Variants in FAM227B observed in about 807,000 individuals in gnomAD.
FAM227B encodes family with sequence similarity 227 member B, also known as protein FAM227B.
FAM227B carries 88 observed loss-of-function variants against 73.8 expected under a neutral mutation model. The ratio of observed to expected loss-of-function variants is 1.19; its 90% CI spans 1.00 to 1.42. The LOEUF (loss-of-function observed/expected upper bound fraction) is 1.42. Among genes scored for constraint, FAM227B ranks in the 40% most tolerant of loss-of-function variants. The pLI is 0.00. For synonymous variants in FAM227B, 210 were observed against 190.5 expected (o/e 1.10, Z -0.84); for missense variants, 632 against 590.9 (o/e 1.07, Z -0.72).
At chr15:49,376,885 G>C (rs2046198485) in intron 11 of FAM227B, among the ~76,000 whole-genome samples, 1 of 151,778 alleles carries the variant, frequency 6.6e-6, no homozygotes, top group Admixed American at 6.6e-5. Flanking sequence ...AAATGGGGTG[G>C]TTTTCTTTTC....
At chr15:49,586,053 A>C (rs1462162805) in intron 5 of FAM227B, among the ~76,000 whole-genome samples, 1 of 151,960 alleles carries the variant, frequency 6.6e-6, no homozygotes, top group African/African-American at 2.4e-5. Context: ...TGGAACCAAA[A>C]ATAGAGCTAA....
chr15:49,365,754 G>T, intron 13 of FAM227B: 1 of 865,936 alleles, frequency 1.2e-6, no homozygotes, highest in Non-Finnish European at 2.0e-6. Flanking sequence ...AAGCCCACCT[G>T]TCTTCATTTT....
chr15:49,559,223 C>G (rs2074030564), intron 9 of FAM227B, among the ~76,000 whole-genome samples: 1 of 152,146 alleles, frequency 6.6e-6, no homozygotes, highest in Admixed American at 6.5e-5. Context: ...CAACTCCCTG[C>G]AGAGTCTTTA....
At chr15:49,459,805 A>T (rs766138571) in intron 11 of FAM227B, among the ~76,000 whole-genome samples, 2 of 152,048 alleles carry the variant, frequency 1.3e-5, no homozygotes, top group Non-Finnish European at 2.9e-5. Context: ...TCCTGTGTGC[A>T]TCTCTTTCCA....
At chr15:49,532,361 T>C (rs1265145816) in intron 10 of FAM227B, among the ~76,000 whole-genome samples, 1 of 151,838 alleles carries the variant, frequency 6.6e-6, no homozygotes, top group Non-Finnish European at 1.5e-5. Flanking sequence ...ATTCTTTTAT[T>C]ACTAAGCAAT....
chr15:49,364,061 T>A (rs2044706902), intron 13 of FAM227B, among the ~76,000 whole-genome samples: 1 of 152,226 alleles, frequency 6.6e-6, no homozygotes, highest in African/African-American at 2.4e-5. Flanking sequence ...ATCAAGAATA[T>A]TGGCCAGATG....
chr15:49,406,680 C>T (rs1287769943), intron 11 of FAM227B, among the ~76,000 whole-genome samples: 1 of 151,962 alleles, frequency 6.6e-6, no homozygotes, highest in African/African-American at 2.4e-5. Context: ...ACTTCTGACC[C>T]AGCAGTGGCA....
At chr15:49,352,548 T>A (rs1008824962) in intron 13 of FAM227B, among the ~76,000 whole-genome samples, 1 of 152,214 alleles carries the variant, frequency 6.6e-6, no homozygotes, top group African/African-American at 2.4e-5. Context: ...TATTTTTCTT[T>A]ATCTAGGCTT....
intron 11 of FAM227B, among the ~76,000 whole-genome samples, chr15:49,489,999 A>G (rs907007196): frequency 6.7e-6 from 1 of 148,194 alleles, no homozygotes; most frequent in African/African-American, 2.5e-5. Context: ...CAGGTGGCCC[A>G]TGCAGTGGTA....
At chr15:49,553,972 G>T (rs184372485) in intron 9 of FAM227B, among the ~76,000 whole-genome samples, 14 of 152,194 alleles carry the variant, frequency 9.2e-5, no homozygotes, top group Admixed American at 7.2e-4. Context: ...GGGTATTGCT[G>T]CTAGTTATTC....
intron 10 of FAM227B, among the ~76,000 whole-genome samples, chr15:49,523,814 G>A (rs961813984): frequency 2.6e-5 from 4 of 152,182 alleles, no homozygotes; most frequent in Non-Finnish European, 5.9e-5. Context: ...AGAACTTGTT[G>A]GAAACTGGAG....
intron 11 of FAM227B, chr15:49,487,848 T>C (rs559174979): frequency 2.4e-4 from 36 of 152,048 alleles, no homozygotes; most frequent in East Asian, 1.2e-3. Flanking sequence ...GTAAGCAAAA[T>C]TGATACATCA....
In FAM227B at chr15:49,328,517, A is replaced by G. The variant is rs1187118285; in HGVS notation, c.*51T>C. ...AATATATTGTTACAATTAAACTGAT[A>G]CCACTGAATTGTATGCATTATTCTT... On this transcript the variant is annotated 3_prime_UTR_variant, in exon 16 of 16. Coordinates refer to ENST00000299338, the MANE Select transcript of FAM227B (RefSeq NM_152647.3). 6.3e-7 allele frequency: 1 copy of G among 1,597,828 alleles called. No homozygotes were observed.
At chr15:49,486,664 G>A (rs1466359257) in intron 11 of FAM227B, 3 of 151,914 alleles carry the variant, frequency 2.0e-5, no homozygotes, top group African/African-American at 7.2e-5. Context: ...TGTCTATGGA[G>A]TTATACTTCC....
rs1178397654 is a variant in FAM227B, at chr15:49,489,822, TTA to T, written c.1012+18387_1012+18388del. On this transcript the variant is annotated intron_variant, in intron 11 of 15. Coordinates refer to ENST00000299338, the MANE Select transcript of FAM227B (RefSeq NM_152647.3). ...TATATTTTATATATATATATATATT[TTA>T]TATATATATATATATTTTATATATA... Among the ~76,000 whole-genome samples the T allele has an allele frequency of 6.9e-3, 224 of 32,332 alleles. 18 individuals are homozygous for T. The highest frequency in any genetic ancestry group is 0.019 in the African/African-American group (155 of 8,060). The allele number at this position is 32,332 out of a possible 152,430, so 21.2% of individuals were successfully genotyped here.
At chr15:49,358,005 G>C (rs969028644) in intron 13 of FAM227B, among the ~76,000 whole-genome samples, 4 of 151,972 alleles carry the variant, frequency 2.6e-5, no homozygotes, top group Admixed American at 2.6e-4. Context: ...TATCTCAATA[G>C]ATGCAGAAAA....
At chr15:49,511,477 T>G (rs1386511546) in intron 10 of FAM227B, among the ~76,000 whole-genome samples, 1 of 152,166 alleles carries the variant, frequency 6.6e-6, no homozygotes, top group Admixed American at 6.6e-5. Context: ...ACTTTTAAGT[T>G]CCAGGGAACA....
intron 3 of FAM227B, among the ~76,000 whole-genome samples, chr15:49,608,687 T>C (rs112512897): frequency 5.3e-5 from 8 of 152,222 alleles, no homozygotes; most frequent in African/African-American, 1.7e-4. Context: ...TTATTTTCTC[T>C]ATCATAAAAT....
At chr15:49,553,459 G>A (rs1490146962) in intron 9 of FAM227B, among the ~76,000 whole-genome samples, 1 of 152,166 alleles carries the variant, frequency 6.6e-6, no homozygotes, top group East Asian at 1.9e-4. Flanking sequence ...AAGGCCCTGG[G>A]GCTCTACAAT....
Sources: gnomAD v4.1 joint callset for allele counts (sites outside exome capture counted in the v4.1 genomes callset) on GRCh38, gnomAD v4.1.1 for gene constraint, MANE v1.5 for transcripts, NCBI Gene and HGNC (gene_info 2026-07-23, HGNC 2026-07-21) for gene names.